The following CFAP77 variants were observed in gnomAD, a reference collection of about 807,000 sequenced individuals.
CFAP77 encodes cilia- and flagella-associated protein 77.
In CFAP77, 25 loss-of-function variants were observed where a neutral mutation model predicts 31.1. The ratio of observed to expected loss-of-function variants is 0.80; its 90% confidence interval spans 0.59 to 1.12. The LOEUF is 1.12. Among genes scored for constraint, CFAP77 ranks in the 50% most tolerant of loss-of-function variants. The probability of loss-of-function intolerance (pLI) is 0.00; values close to 1 mark genes in which losing one functional copy is unlikely to be tolerated. For missense variants in CFAP77, 377 were observed against 397.3 expected, an observed-to-expected ratio of 0.95 and a Z score of 0.44; for synonymous variants, 151 against 159.9, an observed-to-expected ratio of 0.94 and a Z score of 0.42.
chr9:132,550,230 GTTC>G (rs1306534740), intron 5 of CFAP77, among the ~76,000 whole-genome samples: 1 of 152,226 alleles, frequency 6.6e-6, no homozygotes, highest in East Asian at 1.9e-4. Flanking sequence ...AATCTAGAAG[GTTC>G]TTCTCCCTGA....
chr9:132,469,170 G>GCCGGAGT (rs1435481777), intron 1 of CFAP77, among the ~76,000 whole-genome samples: 1 of 152,188 alleles, frequency 6.6e-6, no homozygotes, highest in African/African-American at 2.4e-5. Context: ...TCTGTGAGAA[G>GCCGGAGT]CCGGAGTACC....
intron 1 of CFAP77, among the ~76,000 whole-genome samples, chr9:132,448,876 C>T (rs1168603387): frequency 2.6e-5 from 4 of 152,156 alleles, no homozygotes; most frequent in African/African-American, 9.7e-5. Context: ...ATTGAGCCAC[C>T]ATGCCTGCCT....
chr9:132,457,958 C>T (rs1163243582), intron 1 of CFAP77, among the ~76,000 whole-genome samples: 1 of 152,118 alleles, frequency 6.6e-6, no homozygotes, highest in Non-Finnish European at 1.5e-5. Context: ...TCGTCAGGAC[C>T]GACTCTCCCA....
chr9:132,496,451 A>T (rs1407121894), intron 1 of CFAP77, among the ~76,000 whole-genome samples: 1 of 152,224 alleles, frequency 6.6e-6, no homozygotes, highest in Non-Finnish European at 1.5e-5. Context: ...AAACATTTTC[A>T]TCACTCCCCA....
chr9:132,552,848 T>G lies in CFAP77; in HGVS notation c.732+9801T>G, dbSNP rs1852843118. ...ACTCTTACAGTTACGTTCAAATATG[T>G]GTTTACTGTGGCAGGTGGATGTATT... On this transcript the variant is annotated intron_variant, in intron 5 of 5. Coordinates refer to ENST00000393216, the MANE Select transcript of CFAP77 (RefSeq NM_001282957.2). The surrounding 1 kb of genome is among the most constrained non-coding windows in gnomAD (Gnocchi z 5.5). 6.6e-6 allele frequency among the ~76,000 whole-genome samples: 1 copy of G among 152,098 alleles called. No homozygotes were observed. The highest frequency in any genetic ancestry group is 1.5e-5 in the Non-Finnish European group (1 of 68,008).
chr9:132,471,703 T>TTTTG (rs1312913922), intron 1 of CFAP77, among the ~76,000 whole-genome samples: 1 of 151,688 alleles, frequency 6.6e-6, no homozygotes. Context: ...TTTTGTTTTG[T>TTTTG]TTTGTTTTGT....
At chr9:132,438,541 A>ATATATATATATATATATATGTATTTT in intron 1 of CFAP77, among the ~76,000 whole-genome samples, 50 of 108,120 alleles carry the variant, frequency 4.6e-4, no homozygotes, top group African/African-American at 2.0e-3. Flanking sequence ...ATATATATAT[A>ATATATATATATATATATATGTATTTT]TTTTTTTTTT....
At chr9:132,558,169 T>C (rs1328990066) in intron 5 of CFAP77, among the ~76,000 whole-genome samples, 1 of 152,220 alleles carries the variant, frequency 6.6e-6, no homozygotes, top group Non-Finnish European at 1.5e-5. Flanking sequence ...GCTATAGGTA[T>C]TCCTAAAATT....
chr9:132,569,885 A>G (rs1427157228), intron 5 of CFAP77, among the ~76,000 whole-genome samples: 2 of 151,558 alleles, frequency 1.3e-5, no homozygotes, highest in Non-Finnish European at 2.9e-5. Context: ...ACAGGCACCC[A>G]CCACCACACC....
At chr9:132,466,960 C>A (rs982967270) in intron 1 of CFAP77, among the ~76,000 whole-genome samples, 2 of 152,102 alleles carry the variant, frequency 1.3e-5, no homozygotes, top group Non-Finnish European at 2.9e-5. Flanking sequence ...GGTGGATCAC[C>A]TGAGGTCAGG....
rs528457996 is a variant in CFAP77 at position 132,511,582 on chromosome 9, G to A, written c.524+11982G>A. Among the ~76,000 whole-genome samples the A allele has an allele frequency of 2.1e-4, 32 of 152,334 alleles. No homozygotes were observed. The highest frequency in any genetic ancestry group is 5.8e-4 in the African/African-American group (24 of 41,574). On this transcript the variant is annotated intron_variant, in intron 3 of 5. Transcript: ENST00000393216. The surrounding 1 kb of genome is among the most constrained non-coding windows in gnomAD (Gnocchi z 5.8). ...GGAACAGATTGCTCAAATGCAGTGC[G>A]TCCTGGATTTTGGGAACAGGCACTA...
intron 3 of CFAP77, among the ~76,000 whole-genome samples, chr9:132,529,507 T>TAAAAAAACAAAAAAAAACAA (rs1554748119): frequency 9.2e-6 from 1 of 108,836 alleles, no homozygotes; most frequent in African/African-American, 3.3e-5. Context: ...TAGAGTATAA[T>TAAAAAAACAAAAAAAAACAA]AAAAAAAAAA....
intron 3 of CFAP77, among the ~76,000 whole-genome samples, chr9:132,519,714 AGATGGATGAATGGATG>A (rs1852231194): frequency 6.6e-5 from 1 of 15,078 alleles, no homozygotes; most frequent in African/African-American, 2.6e-4. Flanking sequence ...GTGGGTGGGT[AGATGGATGAATGGATG>A]GGTGGATGGA....
chr9:132,537,721 C>G lies in CFAP77; in HGVS notation c.630+15C>G. 6.3e-7 allele frequency: 1 copy of G among 1,598,314 alleles called. No homozygotes were observed. Among genetic ancestry groups the G allele is most frequent in the East Asian group, 2.2e-5 (1 of 44,760 alleles). On this transcript the variant is annotated intron_variant, in intron 4 of 5. Transcript: ENST00000393216. Reference sequence around the variant, plus strand: ...AGAAGCAGAAGGTAAATGCAGCCCTCGCTCCCAAGTTGACAGCTGATGGGG... The same window carrying G: ...AGAAGCAGAAGGTAAATGCAGCCCTGGCTCCCAAGTTGACAGCTGATGGGG...
intron 1 of CFAP77, among the ~76,000 whole-genome samples, chr9:132,438,960 C>T (rs528102963): frequency 1.3e-5 from 2 of 151,594 alleles, no homozygotes; most frequent in African/African-American, 4.8e-5. Context: ...ACTGCAACCT[C>T]TGCCTCCCGG....
intron 1 of CFAP77, among the ~76,000 whole-genome samples, chr9:132,464,112 A>G (rs541297243): frequency 6.6e-6 from 1 of 152,338 alleles, no homozygotes; most frequent in East Asian, 1.9e-4. Context: ...ACTGACAACA[A>G]CAAAGTTCAG....
intron 3 of CFAP77, among the ~76,000 whole-genome samples, chr9:132,525,479 C>T (rs1034783014): frequency 3.3e-5 from 5 of 152,188 alleles, no homozygotes; most frequent in Admixed American, 2.0e-4. Flanking sequence ...AGAAAACCCA[C>T]GTCCTCTTCA....
At chr9:132,535,696 C>A (rs898324056) in intron 3 of CFAP77, among the ~76,000 whole-genome samples, 1 of 150,136 alleles carries the variant, frequency 6.7e-6, no homozygotes, top group Admixed American at 6.6e-5. Context: ...TGGGTGGCAG[C>A]GTGAGACTCC....
intron 1 of CFAP77, among the ~76,000 whole-genome samples, chr9:132,426,895 T>C (rs1850327458): frequency 6.6e-6 from 1 of 152,184 alleles, no homozygotes. Context: ...CTACTATTAA[T>C]TGGTTTCTTC....
Sources: allele counts gnomAD v4.1 joint callset (sites outside exome capture counted in the v4.1 genomes callset), GRCh38; gene constraint gnomAD v4.1.1; non-coding constraint Gnocchi (gnomAD v3.1); transcripts MANE v1.5; gene names NCBI Gene and HGNC (gene_info 2026-07-23, HGNC 2026-07-21).